The following ANKRD42 variants were observed in gnomAD, a reference collection of about 807,000 sequenced individuals.
The protein encoded by ANKRD42 is ankyrin repeat domain 42, also known as ankyrin repeat domain-containing protein 42.
Under a neutral mutation model 51.5 loss-of-function variants are expected in ANKRD42, and 43 were observed. That is an observed-to-expected ratio of 0.83 (90% CI 0.65 to 1.08). The LOEUF is 1.08. Among genes scored for constraint, ANKRD42 ranks in the 50% least tolerant of loss-of-function variants. The probability of loss-of-function intolerance (pLI) is 0.00; values close to 1 mark genes in which losing one functional copy is unlikely to be tolerated. For synonymous variants in ANKRD42, 203 were observed against 213.0 expected (o/e 0.95, Z 0.41); for missense variants, 608 against 629.3 (o/e 0.97, Z 0.36).
Position 83,224,961 on chromosome 11 carries a change from T to C in ANKRD42, c.693T>C (p.Asn231=). The C allele has an allele frequency of 6.2e-7, 1 of 1,613,518 alleles. No homozygotes were observed. The highest frequency in any genetic ancestry group is 8.5e-7 in the Non-Finnish European group (1 of 1,179,646). Residue 231 remains asparagine, a synonymous_variant, in exon 6 of 11, where the codon AAT becomes AAC. Coordinates refer to ENST00000533342, the MANE Select transcript of ANKRD42 (RefSeq NM_001300975.2). ...VLKAFNDNGE[N]VLDLAQRFFK... ...AAGCTTTCAATGATAATGGAGAAAATGTACTGGATTTGGCCCAGAGGTTCT... is the reference window on the plus strand; with the variant it reads ...AAGCTTTCAATGATAATGGAGAAAACGTACTGGATTTGGCCCAGAGGTTCT...
Position 83,206,100 on chromosome 11 carries a change from G to T in ANKRD42, c.265G>T (p.Val89Leu), listed in dbSNP as rs770312357. 1.2e-6 allele frequency: 2 copies of T among 1,613,864 alleles called. No individual in the cohort carries two copies. The highest frequency in any genetic ancestry group is 2.7e-5 in the African/African-American group (2 of 74,902). The part of the protein sequence containing the change: ...LLWHGADITH[V>L]TTRGWTASHI... ...CTGGCATGGAGCTGATATCACACAC[G>T]TAACAACGAGAGGTTGGACAGCATC... is the stretch of plus-strand genomic sequence containing the variant. Residue 89 changes from valine (V) to leucine (L), a missense_variant, in exon 3 of 11, where the codon GTA becomes TTA. Val to Leu is a conservative substitution (Grantham distance 32, BLOSUM62 1). Transcript: ENST00000533342.
chr11:83,261,746 G>C, downstream of ANKRD42: 1 of 531,844 alleles, frequency 1.9e-6, no homozygotes, highest in Non-Finnish European at 3.4e-6. Flanking sequence ...ACACAATAAA[G>C]ACACAGTATC....
At chr11:83,209,450 G>C in intron 3 of ANKRD42, 1 of 1,543,954 alleles carries the variant, frequency 6.5e-7, no homozygotes, top group Middle Eastern at 2.3e-4. Context: ...CGAGGAGTTT[G>C]AGTATCGACA....
At chr11:83,242,567 G>GTTTTTTTTTTGTTTGTTTTT (rs770772334) in intron 9 of ANKRD42, among the ~76,000 whole-genome samples, 3 of 115,546 alleles carry the variant, frequency 2.6e-5, no homozygotes, top group East Asian at 2.5e-4. Flanking sequence ...TGGTAGTTAA[G>GTTTTTTTTTTGTTTGTTTTT]TTTTTTTTTT....
chr11:83,258,417 A>G (rs1479327113), downstream of ANKRD42, among the ~76,000 whole-genome samples: 1 of 152,180 alleles, frequency 6.6e-6, no homozygotes, highest in Admixed American at 6.5e-5. Flanking sequence ...CCATCTCATG[A>G]GAAAGAGTAC....
At chr11:83,202,042 G>A (rs529230182) in intron 2 of ANKRD42, among the ~76,000 whole-genome samples, 5 of 152,210 alleles carry the variant, frequency 3.3e-5, no homozygotes, top group African/African-American at 9.6e-5. Flanking sequence ...ATTGCTTTTG[G>A]TGTTTTAGTC....
chr11:83,218,701 G>A (rs759101212), intron 5 of ANKRD42, among the ~76,000 whole-genome samples: 2 of 152,164 alleles, frequency 1.3e-5, no homozygotes, highest in Non-Finnish European at 2.9e-5. Context: ...TAACACTTCG[G>A]TGGGGCTGGA....
rs1420146688 is a variant in ANKRD42, at chr11:83,224,982, G to C, written c.714G>C (p.Arg238Ser). The C allele has an allele frequency of 6.2e-7, 1 of 1,613,718 alleles. No homozygotes were observed. Among genetic ancestry groups the C allele is most frequent in the Admixed American group, 1.7e-5 (1 of 60,000 alleles). Residue 238 changes from arginine to serine, a missense_variant, in exon 6 of 11, where the codon AGG becomes AGC. Arg to Ser is a moderately radical substitution (Grantham distance 110, BLOSUM62 -1). Transcript: ENST00000533342. ...AAAATGTACTGGATTTGGCCCAGAG[G>C]TTCTTCAAGCAGAACATTTTACAGT... Reference protein sequence around the residue: ...NGENVLDLAQRFFKQNILQFI... With the variant: ...NGENVLDLAQSFFKQNILQFI...
At chr11:83,205,114 A>G (rs1862020391) in intron 2 of ANKRD42, among the ~76,000 whole-genome samples, 1 of 152,246 alleles carries the variant, frequency 6.6e-6, no homozygotes, top group Non-Finnish European at 1.5e-5. Flanking sequence ...TTTTTAAAAT[A>G]AAGTTAAATA....
At chr11:83,217,437 G>A (rs752602883) in intron 5 of ANKRD42, among the ~76,000 whole-genome samples, 8 of 152,236 alleles carry the variant, frequency 5.3e-5, no homozygotes, top group South Asian at 2.1e-4. Context: ...CCGAGCAGGC[G>A]AGAGTAATAC....
chr11:83,197,390 C>G (rs915693100), intron 1 of ANKRD42, among the ~76,000 whole-genome samples: 1 of 152,152 alleles, frequency 6.6e-6, no homozygotes, highest in African/African-American at 2.4e-5. Flanking sequence ...TTTTTGAGTA[C>G]AGTTATAGCA....
chr11:83,219,324 T>C (rs901310034), intron 5 of ANKRD42, among the ~76,000 whole-genome samples: 3 of 152,234 alleles, frequency 2.0e-5, no homozygotes, highest in East Asian at 1.9e-4. Flanking sequence ...GTTGAATTTA[T>C]TGTGGTTCTT....
chr11:83,203,848 C>G (rs1200781072), intron 2 of ANKRD42, among the ~76,000 whole-genome samples: 4 of 152,100 alleles, frequency 2.6e-5, no homozygotes. Flanking sequence ...CAGTTTTTTT[C>G]AGATGAAATC....
intron 8 of ANKRD42, among the ~76,000 whole-genome samples, chr11:83,237,474 T>C (rs117660441): frequency 2.0e-5 from 3 of 152,332 alleles, no homozygotes; most frequent in Non-Finnish European, 4.4e-5. Flanking sequence ...CTTATATGTT[T>C]GAAGAACTGC....
chr11:83,262,641 C>G (rs1257811004), downstream of ANKRD42, among the ~76,000 whole-genome samples: 1 of 152,062 alleles, frequency 6.6e-6, no homozygotes, highest in Non-Finnish European at 1.5e-5. Flanking sequence ...TAAAAACAGA[C>G]AAGTGAGAGA....
At chr11:83,231,603 G>A (rs747601417) in intron 7 of ANKRD42, among the ~76,000 whole-genome samples, 2 of 152,074 alleles carry the variant, frequency 1.3e-5, no homozygotes, top group African/African-American at 2.4e-5. Context: ...GTGCTTGTAG[G>A]GTATTGCTCA....
At chr11:83,213,576 T>C in intron 5 of ANKRD42, 1 of 1,179,624 alleles carries the variant, frequency 8.5e-7, no homozygotes, top group South Asian at 1.8e-5. Context: ...GTTTTAGTCT[T>C]TCTGATGGAT....
At chr11:83,249,354 GCACCAACA>G (rs1316853826), downstream of ANKRD42, among the ~76,000 whole-genome samples, 7 of 152,160 alleles carry the variant, frequency 4.6e-5, no homozygotes, top group Non-Finnish European at 8.8e-5. Flanking sequence ...CTGTAGGCAT[GCACCAACA>G]CACCTGGCCA....
chr11:83,249,438 T>C (rs1190277291), downstream of ANKRD42, among the ~76,000 whole-genome samples: 3 of 152,190 alleles, frequency 2.0e-5, no homozygotes, highest in African/African-American at 7.2e-5. Flanking sequence ...TTGCCAAGGC[T>C]AAGTTGTTGT....
Sources: allele counts gnomAD v4.1 joint callset (sites outside exome capture counted in the v4.1 genomes callset), GRCh38; gene constraint gnomAD v4.1.1; transcripts MANE v1.5; gene names NCBI Gene and HGNC (gene_info 2026-07-23, HGNC 2026-07-21).